GRID2: variants seen among roughly 807,000 people sequenced by gnomAD.
GRID2 encodes the protein glutamate receptor ionotropic, delta-2.
In GRID2, 33 loss-of-function variants were observed where a neutral mutation model predicts 114.8. The ratio of observed to expected loss-of-function variants is 0.29; its 90% confidence interval spans 0.22 to 0.38. GRID2 has a LOEUF of 0.38. Among genes scored for constraint, GRID2 ranks in the 10% least tolerant of loss-of-function variants. The pLI is 1.00. For synonymous variants in GRID2, 505 were observed against 449.9 expected (o/e 1.12, Z -1.55); for missense variants, 1,184 against 1,257.7 (o/e 0.94, Z 0.89).
At chr4:93,575,032 A>G (rs974375961) in intron 13 of GRID2, among the ~76,000 whole-genome samples, 3 of 152,174 alleles carry the variant, frequency 2.0e-5, no homozygotes, top group African/African-American at 7.2e-5. Context: ...CTCTGGCAGC[A>G]TAGCCAGAAC....
intron 1 of GRID2, among the ~76,000 whole-genome samples, chr4:92,586,468 G>A (rs1447603015): frequency 6.6e-6 from 1 of 151,458 alleles, no homozygotes; most frequent in Admixed American, 6.6e-5. Context: ...TTAAAAATTG[G>A]CAAGTAAGTA....
chr4:93,296,733 T>C (rs2149159711), intron 8 of GRID2, among the ~76,000 whole-genome samples: 1 of 152,348 alleles, frequency 6.6e-6, no homozygotes, highest in Non-Finnish European at 1.5e-5. Context: ...AAAAGAAACT[T>C]GAATGAATCT....
At position 93,668,136 on chromosome 4, in the gene GRID2, T is replaced by C. The variant is rs116485811; in HGVS notation, c.2360+41701T>C. On this transcript the variant is annotated intron_variant, in intron 14 of 15. Transcript: ENST00000282020. Reference sequence around the variant, plus strand: ...AGCTTAGTAATATTTTAGTTTTCTGTTACTGTCAGATAATTTTTATAATTT... The same window carrying C: ...AGCTTAGTAATATTTTAGTTTTCTGCTACTGTCAGATAATTTTTATAATTT... Among the ~76,000 whole-genome samples, 225 of 152,162 alleles carry C rather than the reference T, an allele frequency of 1.5e-3. 1 individual carries two copies. Among genetic ancestry groups the C allele is most frequent in the African/African-American group, 5.3e-3 (220 of 41,570 alleles).
At chr4:93,160,477 A>G (rs1260770670) in intron 4 of GRID2, among the ~76,000 whole-genome samples, 8 of 151,798 alleles carry the variant, frequency 5.3e-5, no homozygotes, top group Non-Finnish European at 8.8e-5. Flanking sequence ...AATTTCTTTG[A>G]GTGATGACAA....
chr4:93,351,350 C>T (rs1222635937), intron 8 of GRID2, among the ~76,000 whole-genome samples: 1 of 151,992 alleles, frequency 6.6e-6, no homozygotes, highest in African/African-American at 2.4e-5. Flanking sequence ...GTTAGAAAAT[C>T]CCAGCATCTG....
At chr4:93,406,382 G>A (rs1560587028) in intron 9 of GRID2, among the ~76,000 whole-genome samples, 1 of 152,140 alleles carries the variant, frequency 6.6e-6, no homozygotes, top group South Asian at 2.1e-4. Flanking sequence ...CTGAGTTTAC[G>A]AAGTAGAGAT....
At chr4:93,216,436 T>C (rs1744227418) in intron 5 of GRID2, among the ~76,000 whole-genome samples, 1 of 152,128 alleles carries the variant, frequency 6.6e-6, no homozygotes, top group Non-Finnish European at 1.5e-5. Context: ...ACCACACCTA[T>C]GTTTCTACAA....
chr4:93,296,220 T>C (rs1285156640), intron 8 of GRID2, among the ~76,000 whole-genome samples: 1 of 152,222 alleles, frequency 6.6e-6, no homozygotes, highest in Non-Finnish European at 1.5e-5. Flanking sequence ...ATTTTCACAT[T>C]GCTCCTCTTT....
At chr4:93,515,481 A>T in intron 13 of GRID2, 70 bp downstream of exon 13, 1 of 1,068,010 alleles carries the variant, frequency 9.4e-7, no homozygotes, top group Non-Finnish European at 1.4e-6. Context: ...CGCAGTTGAG[A>T]TTTGTTTTTT....
At chr4:92,529,553 A>C (rs1233523672) in intron 1 of GRID2, among the ~76,000 whole-genome samples, 1 of 152,094 alleles carries the variant, frequency 6.6e-6, no homozygotes, top group Admixed American at 6.6e-5. Flanking sequence ...AACATACTGC[A>C]AGTTCAAGAT....
At chr4:92,353,925 T>C (rs1397752971) in intron 1 of GRID2, among the ~76,000 whole-genome samples, 1 of 152,042 alleles carries the variant, frequency 6.6e-6, no homozygotes, top group Non-Finnish European at 1.5e-5. Flanking sequence ...CTGTCTATTA[T>C]ATTTCTCAAC....
At chr4:93,301,067 C>G (rs1445644356) in intron 8 of GRID2, among the ~76,000 whole-genome samples, 1 of 152,150 alleles carries the variant, frequency 6.6e-6, no homozygotes, top group East Asian at 1.9e-4. Context: ...GTTTTACTGC[C>G]TTGTTGTTTT....
At chr4:92,973,163 A>C (rs1251153418) in intron 2 of GRID2, among the ~76,000 whole-genome samples, 1 of 152,090 alleles carries the variant, frequency 6.6e-6, no homozygotes, top group Non-Finnish European at 1.5e-5. Flanking sequence ...TTCTGTTTTT[A>C]AGGGTGTAAA....
intron 10 of GRID2, among the ~76,000 whole-genome samples, chr4:93,450,910 A>G (rs150820165): frequency 6.6e-6 from 1 of 152,056 alleles, no homozygotes; most frequent in Non-Finnish European, 1.5e-5. Flanking sequence ...CCTTACTTTA[A>G]TTATTGACAT....
At chr4:93,398,133 G>GTGTGTGTGTGTATATATATATATATATA in intron 9 of GRID2, among the ~76,000 whole-genome samples, 23 of 122,332 alleles carry the variant, frequency 1.9e-4, no homozygotes, top group African/African-American at 4.2e-4. Flanking sequence ...ATGTGTGTGT[G>GTGTGTGTGTGTATATATATATATATATA]TATATATATA....
intron 10 of GRID2, among the ~76,000 whole-genome samples, chr4:93,438,587 A>G (rs1439628582): frequency 2.0e-5 from 3 of 152,218 alleles, no homozygotes; most frequent in Non-Finnish European, 2.9e-5. Flanking sequence ...CTTTTTCAAC[A>G]ATCTAGGGAG....
intron 2 of GRID2, among the ~76,000 whole-genome samples, chr4:92,924,237 T>C (rs1045335798): frequency 3.3e-5 from 5 of 152,016 alleles, no homozygotes; most frequent in Non-Finnish European, 7.4e-5. Flanking sequence ...CATCACACTC[T>C]GGGGACTGTT....
chr4:93,733,352 C>A (rs1054636704), intron 14 of GRID2, among the ~76,000 whole-genome samples: 1 of 152,140 alleles, frequency 6.6e-6, no homozygotes, highest in African/African-American at 2.4e-5. Flanking sequence ...CTGAGCTCTG[C>A]TCTTAGACAC....
intron 2 of GRID2, among the ~76,000 whole-genome samples, chr4:92,809,446 C>A (rs1194463106): frequency 1.3e-5 from 2 of 151,866 alleles, no homozygotes; most frequent in African/African-American, 4.8e-5. Context: ...TTAGTGATTG[C>A]AGTTATTTGT....
Sources: allele counts gnomAD v4.1 joint callset (sites outside exome capture counted in the v4.1 genomes callset), GRCh38; gene constraint gnomAD v4.1.1; transcripts MANE v1.5; gene names NCBI Gene and HGNC (gene_info 2026-07-23, HGNC 2026-07-21).